The following NKIRAS1 variants were observed in gnomAD, a reference collection of about 807,000 sequenced individuals.
NKIRAS1 encodes NF-kappa-B inhibitor-interacting Ras-like protein 1.
Under a neutral mutation model 19.8 loss-of-function variants are expected in NKIRAS1, and 16 were observed. The ratio of observed to expected loss-of-function variants is 0.81; its 90% confidence interval spans 0.55 to 1.23. The LOEUF is 1.23. NKIRAS1 is among the 50% of genes most tolerant of loss of function. NKIRAS1 has a pLI of 0.00. For missense variants in NKIRAS1, 184 were observed against 220.0 expected (o/e 0.84, Z 1.04); for synonymous variants, 88 against 79.0 (o/e 1.11, Z -0.61).
intron 1 of NKIRAS1, among the ~76,000 whole-genome samples, chr3:23,941,198 C>T (rs766807671): frequency 3.8e-4 from 58 of 152,152 alleles, no homozygotes; most frequent in Non-Finnish European, 7.5e-4. Flanking sequence ...TTTTAATTGG[C>T]CTTATCTTTA....
intron 3 of NKIRAS1, among the ~76,000 whole-genome samples, chr3:23,904,347 G>C (rs922843141): frequency 3.3e-5 from 5 of 152,156 alleles, no homozygotes; most frequent in Admixed American, 3.3e-4. Context: ...TGTTGTTATG[G>C]CACAGTCCCT....
At chr3:23,945,124 A>T (rs1705603405) in intron 1 of NKIRAS1, 1 of 147,300 alleles carries the variant, frequency 6.8e-6, no homozygotes, top group Non-Finnish European at 1.5e-5. Flanking sequence ...AAGGAGAAGG[A>T]AGGGGAGAAG....
At chr3:23,939,171 AT>A in intron 1 of NKIRAS1, among the ~76,000 whole-genome samples, 1 of 152,368 alleles carries the variant, frequency 6.6e-6, no homozygotes, top group East Asian at 1.9e-4. Flanking sequence ...ATTGAAAACA[AT>A]TCTATCAGTG....
chr3:23,905,795 CA>C (rs34872852), intron 3 of NKIRAS1, among the ~76,000 whole-genome samples: 1,765 of 117,658 alleles, frequency 0.015, 27 homozygotes, highest in African/African-American at 0.048. Context: ...AAATGTGCTC[CA>C]AAAAAAAAAA....
intron 1 of NKIRAS1, among the ~76,000 whole-genome samples, chr3:23,931,944 T>A (rs547992741): frequency 1.3e-5 from 2 of 152,320 alleles, no homozygotes; most frequent in East Asian, 3.9e-4. Flanking sequence ...TGATGCTTAT[T>A]ATTAGTCAGC....
chr3:23,921,963 C>A, upstream of NKIRAS1: 1 of 223,680 alleles, frequency 4.5e-6, no homozygotes. Context: ...GCCTTGGCCT[C>A]CCAAAGTGCT....
At chr3:23,904,314 T>G (rs1335456045) in intron 3 of NKIRAS1, among the ~76,000 whole-genome samples, 3 of 152,136 alleles carry the variant, frequency 2.0e-5, no homozygotes, top group Non-Finnish European at 4.4e-5. Flanking sequence ...AAGTCCAAGA[T>G]CAAGGTGCCA....
intron 1 of NKIRAS1, among the ~76,000 whole-genome samples, chr3:23,931,951 C>T (rs779417417): frequency 6.6e-6 from 1 of 152,208 alleles, no homozygotes; most frequent in Non-Finnish European, 1.5e-5. Context: ...TATTATTAGT[C>T]AGCAGAGCCT....
In NKIRAS1 at chr3:23,930,850, A is replaced by G. The variant is rs114148054; in HGVS notation, c.-140+15473T>C. Among the ~76,000 whole-genome samples, 799 of 149,326 alleles carry G rather than the reference A, an allele frequency of 5.4e-3. 8 individuals carry two copies. Among genetic ancestry groups the G allele is most frequent in the African/African-American group, 0.019 (764 of 40,460 alleles). On this transcript the variant is annotated intron_variant, in intron 1 of 4. Coordinates refer to the NKIRAS1 transcript ENST00000421515. ...CCTGAGTAGCTGGGACTATAGGTGC[A>G]TGCCACCATGTCCGGCTGTTTTTTT...
In NKIRAS1 at chr3:23,893,268, G is replaced by C. The variant is rs775297949; in HGVS notation, c.406C>G (p.Gln136Glu). ...EQRQVDAEVA[Q>E]QWAKSEKVRL... ...ACTTTCTCACTTTTTGCCCACTGCT[G>C]TGCCACTTCAGCGTCCACTTGTCTC... The change falls in exon 5 of 5, where the codon CAG (glutamine) becomes GAG (glutamate). Residue 136 changes from glutamine (Q) to glutamate (E), a missense_variant. Physicochemically the swap from Gln to Glu is conservative, Grantham distance 29. Coordinates refer to ENST00000425478, the MANE Select transcript of NKIRAS1 (RefSeq NM_020345.4). 1 of 1,614,086 alleles carries C rather than the reference G, an allele frequency of 6.2e-7. No individual in the cohort carries two copies. The highest frequency in any genetic ancestry group is 2.2e-5 in the East Asian group (1 of 44,886).
In NKIRAS1 at chr3:23,922,156, A is replaced by C. The variant is rs1436030476; in HGVS notation, c.-139-10706T>G. The stretch of plus-strand genomic sequence containing the variant: ...AGAGCCCATCTCACAAAAAATAACA[A>C]ATCAGCTGGGCATGGTGTTGCACGC... On this transcript the variant is annotated intron_variant, in intron 1 of 4. Coordinates refer to the NKIRAS1 transcript ENST00000421515. This position sits in a 1 kb window ranked among gnomAD's most constrained non-coding sequence, Gnocchi z 4.2. 6.5e-6 allele frequency: 1 copy of C among 152,992 alleles called. No homozygotes were observed. Among genetic ancestry groups the C allele is most frequent in the Non-Finnish European group, 1.5e-5 (1 of 68,620 alleles). 9.5% of individuals were successfully genotyped at this position (152,992 alleles called of 1,614,324 possible).
chr3:23,922,209 A>C lies in NKIRAS1; in HGVS notation c.-139-10759T>G, dbSNP rs2125260718. 6.6e-6 allele frequency: 1 copy of C among 152,280 alleles called. No homozygotes were observed. Among genetic ancestry groups the C allele is most frequent in the African/African-American group, 2.4e-5 (1 of 41,528 alleles). The allele number at this position is 152,280 out of a possible 1,614,324, so 9.4% of individuals were successfully genotyped here. ...GTAGTCTCCGAAATCACACCACTGC[A>C]CTCCCATCTTGGGTGATAGAGCCAG... On this transcript the variant is annotated intron_variant, in intron 1 of 4. Coordinates refer to the NKIRAS1 transcript ENST00000421515. The surrounding 1 kb of genome is among the most constrained non-coding windows in gnomAD (Gnocchi z 4.2).
upstream of NKIRAS1, chr3:23,920,422 C>G: frequency 1.0e-6 from 1 of 985,400 alleles, no homozygotes; most frequent in Non-Finnish European, 1.2e-6. Context: ...TTCTCTTGTT[C>G]TGGCCAAACA....
chr3:23,914,246 G>A (rs1704068622), intron 1 of NKIRAS1, among the ~76,000 whole-genome samples: 1 of 149,822 alleles, frequency 6.7e-6, no homozygotes, highest in South Asian at 2.1e-4. Context: ...CATTTTCTTT[G>A]AAGAGCCATC....
chr3:23,919,149 T>C (rs1451306250), upstream of NKIRAS1: 9 of 1,327,774 alleles, frequency 6.8e-6, 1 homozygote, highest in South Asian at 9.5e-5. Context: ...GACTTGCTGC[T>C]ATAGGCAATG....
chr3:23,943,746 G>T (rs944626346), intron 1 of NKIRAS1, among the ~76,000 whole-genome samples: 1 of 152,214 alleles, frequency 6.6e-6, no homozygotes, highest in Non-Finnish European at 1.5e-5. Flanking sequence ...TCACATGAGG[G>T]TGATAAATTC....
At chr3:23,914,644 T>C (rs1372133692) in intron 1 of NKIRAS1, among the ~76,000 whole-genome samples, 2 of 152,196 alleles carry the variant, frequency 1.3e-5, no homozygotes, top group African/African-American at 2.4e-5. Flanking sequence ...ATGCCAGCCA[T>C]CAGGGACAAA....
chr3:23,913,155 G>A (rs1341450603), intron 1 of NKIRAS1, among the ~76,000 whole-genome samples: 4 of 151,436 alleles, frequency 2.6e-5, no homozygotes, highest in South Asian at 2.1e-4. Context: ...AACAGACAAC[G>A]TTTGCTAAAA....
rs192207163 is a variant in NKIRAS1, at chr3:23,926,087, G to A, written c.-139-14637C>T. ...ATTTTTTGAGACAGCGTCTTGCTCT[G>A]TCGCCCAGGCTGGAGTGCAGTGGCA... is the stretch of plus-strand genomic sequence containing the variant. On this transcript the variant is annotated intron_variant, in intron 1 of 4. Coordinates refer to the NKIRAS1 transcript ENST00000421515. This position sits in a 1 kb window ranked among gnomAD's most constrained non-coding sequence, Gnocchi z 4.3. Among the ~76,000 whole-genome samples, 134 of 152,170 alleles carry A rather than the reference G, an allele frequency of 8.8e-4. No homozygotes were observed. Among genetic ancestry groups the A allele is most frequent in the African/African-American group, 3.1e-3 (127 of 41,500 alleles).
Sources: allele counts gnomAD v4.1 joint callset (sites outside exome capture counted in the v4.1 genomes callset), GRCh38; gene constraint gnomAD v4.1.1; non-coding constraint Gnocchi (gnomAD v3.1); transcripts MANE v1.5; gene names NCBI Gene and HGNC (gene_info 2026-07-23, HGNC 2026-07-21).